FHIP1A: variants seen among roughly 807,000 people sequenced by gnomAD.
FHIP1A encodes the protein FHF complex subunit HOOK-interacting protein 1A.
FHIP1A carries 61 observed loss-of-function variants against 88.6 expected under a neutral mutation model. That is an observed-to-expected ratio of 0.69 (90% CI 0.56 to 0.85). FHIP1A has a LOEUF of 0.85. FHIP1A is among the 40% of genes least tolerant of loss of function. The pLI, the probability that FHIP1A is intolerant of heterozygous loss-of-function variation, is 0.00. For synonymous variants in FHIP1A, 478 were observed against 496.0 expected (o/e 0.96, Z 0.48); for missense variants, 1,154 against 1,273.5 (o/e 0.91, Z 1.43).
At chr4:151,458,684 A>G (rs946337826) in intron 2 of FHIP1A, among the ~76,000 whole-genome samples, 1 of 152,154 alleles carries the variant, frequency 6.6e-6, no homozygotes, top group Non-Finnish European at 1.5e-5. Flanking sequence ...TGTAGAATAA[A>G]TAACTAAAAT....
At chr4:151,439,576 A>C (rs941441055) in intron 1 of FHIP1A, among the ~76,000 whole-genome samples, 2 of 152,126 alleles carry the variant, frequency 1.3e-5, no homozygotes, top group African/African-American at 2.4e-5. Flanking sequence ...GAAGTTTCTT[A>C]AATTTGGTGG....
At chr4:151,551,663 C>T (rs1732739388) in intron 3 of FHIP1A, among the ~76,000 whole-genome samples, 1 of 152,138 alleles carries the variant, frequency 6.6e-6, no homozygotes, top group Admixed American at 6.5e-5. Context: ...CCCTTCCTTA[C>T]ACCTTATACA....
In FHIP1A at chr4:151,586,503, CG is replaced by C. The variant is rs1734218672; in HGVS notation, c.733-135del. ...GTTTGCATCGTTTTTAGCTGGCTGA[CG>C]GGCTCTTATACCTTTAATACCTTGC... On this transcript the variant is annotated intron_variant, in intron 5 of 13. Transcript: ENST00000435205. The C allele has an allele frequency of 1.0e-5, 6 of 595,336 alleles. No homozygotes were observed. In the East Asian group the frequency reaches 1.7e-4, roughly 17 times the overall value. The allele number at this position is 595,336 out of a possible 1,614,324, so 36.9% of individuals were successfully genotyped here. A position where few individuals can be genotyped will look rare whatever the true frequency, so the allele number is the denominator to read the frequency against.
intron 2 of FHIP1A, among the ~76,000 whole-genome samples, chr4:151,458,866 C>T (rs1417686787): frequency 2.0e-5 from 3 of 151,110 alleles, no homozygotes; most frequent in Non-Finnish European, 4.4e-5. Flanking sequence ...ATCAGGATCA[C>T]TGGCATTTCC....
At chr4:151,498,465 T>C (rs1175223070) in intron 3 of FHIP1A, among the ~76,000 whole-genome samples, 1 of 152,146 alleles carries the variant, frequency 6.6e-6, no homozygotes, top group Non-Finnish European at 1.5e-5. Flanking sequence ...GAGGGCGGTT[T>C]GGATAGGGGT....
At chr4:151,658,978 G>A (rs1737354692) in intron 13 of FHIP1A, among the ~76,000 whole-genome samples, 1 of 152,130 alleles carries the variant, frequency 6.6e-6, no homozygotes, top group Non-Finnish European at 1.5e-5. Flanking sequence ...TAGATACTCA[G>A]GGTACACTGA....
intron 3 of FHIP1A, among the ~76,000 whole-genome samples, chr4:151,550,942 T>C (rs1732705890): frequency 6.6e-6 from 1 of 152,214 alleles, no homozygotes; most frequent in Middle Eastern, 3.4e-3. Flanking sequence ...TCCCTCAGAG[T>C]TGTCCTGAAT....
intron 2 of FHIP1A, among the ~76,000 whole-genome samples, chr4:151,461,199 G>A (rs563413448): frequency 3.9e-4 from 60 of 152,258 alleles, no homozygotes; most frequent in Middle Eastern, 3.4e-3. Context: ...CCTATGTTCT[G>A]CCATATAAAG....
rs565367361 is a variant in FHIP1A, at chr4:151,667,575, C to T, written c.*4821C>T. Among the ~76,000 whole-genome samples the T allele has an allele frequency of 6.6e-6, 1 of 152,262 alleles. No homozygotes were observed. Among genetic ancestry groups the T allele is most frequent in the Admixed American group, 6.5e-5 (1 of 15,302 alleles). ...CAGCTCAATAACTGGATAAACAGGA[C>T]TTTAGTGAAAGATTTTCAGAGGTTC... On this transcript the variant is annotated 3_prime_UTR_variant, in exon 14 of 14. Transcript: ENST00000435205.
chr4:151,661,267 GCTCA>G (rs921425953), intron 13 of FHIP1A, among the ~76,000 whole-genome samples: 10 of 152,258 alleles, frequency 6.6e-5, no homozygotes, highest in African/African-American at 2.4e-4. Context: ...ACACTTTTGT[GCTCA>G]CTCTGTTGCC....
chr4:151,631,262 G>T (rs1736147762), intron 8 of FHIP1A, among the ~76,000 whole-genome samples: 1 of 151,806 alleles, frequency 6.6e-6, no homozygotes, highest in African/African-American at 2.4e-5. Context: ...AAAGAGGGAA[G>T]TCTCAAATTA....
chr4:151,518,417 A>G (rs1163262725), intron 3 of FHIP1A, among the ~76,000 whole-genome samples: 4 of 152,180 alleles, frequency 2.6e-5, no homozygotes, highest in Non-Finnish European at 4.4e-5. Context: ...GTTTCTCAGA[A>G]TGTAGCCCAT....
intron 1 of FHIP1A, among the ~76,000 whole-genome samples, chr4:151,432,721 A>T (rs1733640111): frequency 6.6e-6 from 1 of 152,186 alleles, no homozygotes; most frequent in Admixed American, 6.5e-5. Flanking sequence ...CCTCATGAGG[A>T]AACTGAGGGA....
intron 2 of FHIP1A, among the ~76,000 whole-genome samples, chr4:151,464,028 A>AT (rs1374445986): frequency 6.6e-6 from 1 of 151,914 alleles, no homozygotes; most frequent in Non-Finnish European, 1.5e-5. Context: ...CCAGTTTGAT[A>AT]TTTTTATTGT....
chr4:151,413,157 A>G (rs1732745519), intron 1 of FHIP1A, among the ~76,000 whole-genome samples: 1 of 152,230 alleles, frequency 6.6e-6, no homozygotes, highest in South Asian at 2.1e-4. Flanking sequence ...AGTAACCTCC[A>G]TTAAATTTGG....
At chr4:151,476,937 G>A (rs1421625764) in intron 2 of FHIP1A, among the ~76,000 whole-genome samples, 1 of 152,058 alleles carries the variant, frequency 6.6e-6, no homozygotes, top group East Asian at 1.9e-4. Context: ...AAATAATATG[G>A]ATGCTGTATG....
chr4:151,507,152 C>T (rs1164088706), intron 3 of FHIP1A, among the ~76,000 whole-genome samples: 1 of 152,082 alleles, frequency 6.6e-6, no homozygotes, highest in Non-Finnish European at 1.5e-5. Flanking sequence ...GAGATATGGT[C>T]TCACTCTGTC....
At chr4:151,537,956 C>T (rs1465115185) in intron 3 of FHIP1A, among the ~76,000 whole-genome samples, 1 of 152,180 alleles carries the variant, frequency 6.6e-6, no homozygotes. Flanking sequence ...AATTCTTCCA[C>T]AATTTCTGTA....
At chr4:151,505,068 T>C (rs1057112167) in intron 3 of FHIP1A, among the ~76,000 whole-genome samples, 10 of 152,176 alleles carry the variant, frequency 6.6e-5, no homozygotes, top group African/African-American at 2.4e-4. Flanking sequence ...ATGTATGTCC[T>C]CCATGTGACA....
Sources: allele counts gnomAD v4.1 joint callset (sites outside exome capture counted in the v4.1 genomes callset), GRCh38; gene constraint gnomAD v4.1.1; transcripts MANE v1.5; gene names NCBI Gene and HGNC (gene_info 2026-07-23, HGNC 2026-07-21).